Variants in IGSF11 observed in about 807,000 individuals in gnomAD.
The protein encoded by IGSF11 is CXADR like 1.
IGSF11 carries 22 observed loss-of-function variants against 41.0 expected under a neutral mutation model. The ratio of observed to expected loss-of-function variants is 0.54; its 90% CI spans 0.38 to 0.77. IGSF11 has a LOEUF of 0.77. Among genes scored for constraint, IGSF11 ranks in the 30% least tolerant of loss-of-function variants. The pLI is 0.00. For missense variants in IGSF11, 444 were observed against 530.8 expected, an observed-to-expected ratio of 0.84 and a Z score of 1.61; for synonymous variants, 219 against 201.3, an observed-to-expected ratio of 1.09 and a Z score of -0.74.
intron 1 of IGSF11, among the ~76,000 whole-genome samples, chr3:119,112,256 G>A (rs980698347): frequency 6.6e-6 from 1 of 152,228 alleles, no homozygotes; most frequent in Non-Finnish European, 1.5e-5. Context: ...CCCAGCTCGA[G>A]CTTCCCGCCT....
chr3:119,011,825 C>T (rs1178676672), intron 1 of IGSF11, among the ~76,000 whole-genome samples: 1 of 152,106 alleles, frequency 6.6e-6, no homozygotes. Flanking sequence ...AAACCAGAAT[C>T]TTACAACACA....
chr3:119,052,910 A>G (rs1250922615), intron 1 of IGSF11, among the ~76,000 whole-genome samples: 3 of 152,226 alleles, frequency 2.0e-5, no homozygotes, highest in South Asian at 4.1e-4. Flanking sequence ...GATCATCTCA[A>G]CAGACTCTGA....
intron 1 of IGSF11, among the ~76,000 whole-genome samples, chr3:118,953,217 C>T (rs753321287): frequency 6.6e-6 from 1 of 152,074 alleles, no homozygotes; most frequent in Admixed American, 6.6e-5. Context: ...GCTGTAAATA[C>T]CATGATTTCA....
At position 118,912,125 on chromosome 3, in the gene IGSF11, A is replaced by G. The variant is rs148978318; in HGVS notation, c.581-6407T>C. On this transcript the variant is annotated intron_variant, in intron 4 of 6. Coordinates refer to ENST00000393775, the MANE Select transcript of IGSF11 (RefSeq NM_001015887.3). ...TTTACCAAGATAAAAGAATGGATAG[A>G]AAATGAATTGCCATTATTTGCATAT... Among the ~76,000 whole-genome samples, 517 of 152,374 alleles carry G rather than the reference A, an allele frequency of 3.4e-3. 3 individuals are homozygous for G. The highest frequency in any genetic ancestry group is 0.011 in the African/African-American group (463 of 41,596).
intron 1 of IGSF11, 99 bp from the exon 2 acceptor site, chr3:118,930,374 T>C: frequency 8.5e-7 from 1 of 1,176,352 alleles, no homozygotes; most frequent in Non-Finnish European, 1.2e-6. Context: ...ACATTATTAT[T>C]GATTATGTGA....
intron 1 of IGSF11, among the ~76,000 whole-genome samples, chr3:118,943,516 T>G (rs1383646450): frequency 2.6e-5 from 4 of 152,236 alleles, no homozygotes; most frequent in Non-Finnish European, 5.9e-5. Context: ...TGTCTTTTAT[T>G]ACAATGATAA....
At chr3:119,069,261 G>C (rs1942329459) in intron 1 of IGSF11, among the ~76,000 whole-genome samples, 1 of 152,086 alleles carries the variant, frequency 6.6e-6, no homozygotes, top group Non-Finnish European at 1.5e-5. Context: ...TTGGTAGAGA[G>C]GAGAGACAAC....
intron 1 of IGSF11, among the ~76,000 whole-genome samples, chr3:119,132,696 A>G (rs904728769): frequency 2.0e-5 from 3 of 152,078 alleles, no homozygotes; most frequent in Non-Finnish European, 2.9e-5. Context: ...CAGGACTTGA[A>G]CTCAGCTCTA....
chr3:118,988,630 G>T (rs922987232), intron 1 of IGSF11, among the ~76,000 whole-genome samples: 1 of 152,116 alleles, frequency 6.6e-6, no homozygotes, highest in African/African-American at 2.4e-5. Flanking sequence ...GGCTGTCCTC[G>T]GGGTGGGAAA....
rs1941882298 is a variant in IGSF11, at chr3:119,057,293, T to C, written c.49+47851A>G. Among the ~76,000 whole-genome samples, 3 of 152,296 alleles carry C rather than the reference T, an allele frequency of 2.0e-5. No individual in the cohort carries two copies. The South Asian group carries it at 6.2e-4, about 32-fold the overall frequency. On this transcript the variant is annotated intron_variant, in intron 1 of 6. Coordinates refer to the IGSF11 transcript ENST00000354673. Reference sequence around the variant, plus strand: ...AGCAAAGTCTCAGATACAAAATCAATGTACAAAAATCACAAGCATTCTTAT... The same window carrying C: ...AGCAAAGTCTCAGATACAAAATCAACGTACAAAAATCACAAGCATTCTTAT...
At chr3:119,116,656 A>G (rs1341542358) in intron 1 of IGSF11, among the ~76,000 whole-genome samples, 1 of 152,228 alleles carries the variant, frequency 6.6e-6, no homozygotes, top group Non-Finnish European at 1.5e-5. Flanking sequence ...GCTAATAGGA[A>G]GCCATCAGGC....
chr3:119,105,198 C>CTTT (rs2077002590), exon 1 of IGSF11: 1 of 1,600,686 alleles, frequency 6.2e-7, no homozygotes, highest in African/African-American at 1.3e-5. Context: ...GACATTTATT[C>CTTT]TTCTTGCCTG....
At chr3:119,136,309 T>G (rs1340618727) in intron 1 of IGSF11, among the ~76,000 whole-genome samples, 3 of 152,102 alleles carry the variant, frequency 2.0e-5, no homozygotes, top group Non-Finnish European at 4.4e-5. Context: ...AGGAATCAGT[T>G]CTTGTTTATC....
At chr3:119,003,307 T>G (rs1398722259) in intron 1 of IGSF11, among the ~76,000 whole-genome samples, 2 of 144,458 alleles carry the variant, frequency 1.4e-5, no homozygotes, top group East Asian at 4.1e-4. Context: ...TGCTTGTGAT[T>G]TTTGTACATT....
At chr3:119,066,078 T>C (rs2107459995) in intron 1 of IGSF11, among the ~76,000 whole-genome samples, 1 of 152,314 alleles carries the variant, frequency 6.6e-6, no homozygotes, top group South Asian at 2.1e-4. Context: ...TTGATGTCTA[T>C]AAAATCCATA....
At chr3:119,039,807 T>C (rs1056334744), upstream of IGSF11, among the ~76,000 whole-genome samples, 6 of 152,332 alleles carry the variant, frequency 3.9e-5, 1 homozygote, top group East Asian at 3.9e-4. Flanking sequence ...TCTTTTCTCA[T>C]GTGTCACCTA....
chr3:119,091,611 A>G (rs549981478), intron 1 of IGSF11, among the ~76,000 whole-genome samples: 5 of 152,232 alleles, frequency 3.3e-5, no homozygotes, highest in African/African-American at 1.2e-4. Flanking sequence ...GAACAGAAAA[A>G]CTAAATACTG....
rs1279754813 is a variant in IGSF11, at chr3:119,005,598, G to C, written c.52+28933C>G. ...TTTTGGCATGATTTTGCAGCGGCTG[G>C]TACCGGTTGTTCCTTTCCATGTTTA... On this transcript the variant is annotated intron_variant, in intron 1 of 6. Transcript: ENST00000393775. 4.2e-4 allele frequency among the ~76,000 whole-genome samples: 50 copies of C among 119,696 alleles called. 2 individuals are homozygous for C. Among genetic ancestry groups the C allele is most frequent in the Middle Eastern group, 4.1e-3 (1 of 244 alleles). 78.5% of individuals were successfully genotyped at this position (119,696 alleles called of 152,430 possible). A position where few individuals can be genotyped will look rare whatever the true frequency, so the allele number is the denominator to read the frequency against.
At chr3:118,942,245 A>G (rs941384022) in intron 1 of IGSF11, among the ~76,000 whole-genome samples, 1 of 152,244 alleles carries the variant, frequency 6.6e-6, no homozygotes, top group Non-Finnish European at 1.5e-5. Context: ...GAAAACATCC[A>G]TAACTATACT....
Sources: allele counts gnomAD v4.1 joint callset (sites outside exome capture counted in the v4.1 genomes callset), GRCh38; gene constraint gnomAD v4.1.1; transcripts MANE v1.5; gene names NCBI Gene and HGNC (gene_info 2026-07-23, HGNC 2026-07-21).